Variants in MAST4 observed in about 807,000 individuals in gnomAD.
MAST4 encodes microtubule associated serine/threonine kinase family member 4, also known as microtubule-associated serine/threonine-protein kinase 4.
Under a neutral mutation model 162.7 loss-of-function variants are expected in MAST4, and 89 were observed. The observed-to-expected ratio is 0.55, with a 90% CI of 0.46 to 0.65. MAST4 has a LOEUF of 0.65. Among genes scored for constraint, MAST4 ranks in the 30% least tolerant of loss-of-function variants. The pLI is 0.00. For synonymous variants in MAST4, 1,479 were observed against 1,361.1 expected (o/e 1.09, Z -1.91); for missense variants, 3,153 against 3,374.0 (o/e 0.93, Z 1.62).
chr5:67,128,427 G>A (rs1167706589), intron 14 of MAST4, among the ~76,000 whole-genome samples: 5 of 151,644 alleles, frequency 3.3e-5, no homozygotes, highest in African/African-American at 1.2e-4. Context: ...GTTTTTTACT[G>A]TACAGTGAAG....
At chr5:66,921,644 A>G (rs1764545418) in intron 4 of MAST4, among the ~76,000 whole-genome samples, 1 of 152,280 alleles carries the variant, frequency 6.6e-6, no homozygotes, top group East Asian at 1.9e-4. Flanking sequence ...CTGTAATCCC[A>G]GCTACTCAGG....
intron 26 of MAST4, among the ~76,000 whole-genome samples, chr5:67,156,308 C>T (rs370243450): frequency 5.3e-5 from 8 of 152,146 alleles, no homozygotes; most frequent in South Asian, 2.1e-4. Context: ...TGCACCCAGG[C>T]GATGTAGCTC....
At chr5:67,109,330 T>C (rs1470110538) in intron 10 of MAST4, among the ~76,000 whole-genome samples, 1 of 152,160 alleles carries the variant, frequency 6.6e-6, no homozygotes, top group Non-Finnish European at 1.5e-5. Flanking sequence ...TTCTCATACC[T>C]GACCTCATGT....
chr5:67,147,560 C>T (rs995071121), intron 23 of MAST4, among the ~76,000 whole-genome samples: 5 of 152,130 alleles, frequency 3.3e-5, no homozygotes, highest in Non-Finnish European at 5.9e-5. Flanking sequence ...GAAAAATAAA[C>T]GTCTTGAAGT....
intron 1 of MAST4, among the ~76,000 whole-genome samples, chr5:66,728,138 ACTGTTATTTTCTTC>A (rs1318249180): frequency 1.3e-5 from 2 of 152,172 alleles, no homozygotes; most frequent in African/African-American, 4.8e-5. Context: ...ATAAATGGCT[ACTGTTATTTTCTTC>A]CTGTAACTAA....
At chr5:66,737,227 C>T (rs1752208450) in intron 1 of MAST4, among the ~76,000 whole-genome samples, 1 of 152,158 alleles carries the variant, frequency 6.6e-6, no homozygotes, top group South Asian at 2.1e-4. Context: ...GGATCCACTT[C>T]CAAGACAGTT....
intron 1 of MAST4, among the ~76,000 whole-genome samples, chr5:66,731,721 A>G (rs552679086): frequency 1.3e-5 from 2 of 151,722 alleles, no homozygotes; most frequent in Non-Finnish European, 2.9e-5. Context: ...TGGTTTCTAT[A>G]TTGCAACCCC....
intron 3 of MAST4, among the ~76,000 whole-genome samples, chr5:66,838,612 G>A (rs1758195898): frequency 6.6e-6 from 1 of 152,122 alleles, no homozygotes; most frequent in Non-Finnish European, 1.5e-5. Context: ...AAGATACAGG[G>A]GCCTTGAGCA....
chr5:67,077,658 C>T (rs1761822668), intron 5 of MAST4, among the ~76,000 whole-genome samples: 1 of 152,194 alleles, frequency 6.6e-6, no homozygotes, highest in African/African-American at 2.4e-5. Context: ...GCTTAAATCA[C>T]TGGAAGGAAG....
intron 5 of MAST4, among the ~76,000 whole-genome samples, chr5:67,086,437 T>G (rs763691090): frequency 1.3e-5 from 2 of 152,240 alleles, no homozygotes; most frequent in Non-Finnish European, 2.9e-5. Context: ...TGAGGCACCC[T>G]GTGTAGTGCC....
At position 67,164,964 on chromosome 5, in the gene MAST4, C is replaced by G. The variant is rs747362999; in HGVS notation, c.5785C>G (p.Gln1929Glu). Residue 1929 changes from glutamine to glutamate, a missense_variant, in exon 29 of 29, where the codon CAA becomes GAA. Physicochemically the swap from Gln to Glu is conservative, Grantham distance 29. This residue lies in a region of MAST4 where 1,644 missense variants were observed against 1,495.0 expected (regional missense o/e 1.10). Transcript: ENST00000403625. The surrounding 1 kb of genome is among the most constrained non-coding windows in gnomAD (Gnocchi z 5.3). ...GAGAGAGGGCAGCTCCCCTAAACAC[C>G]AAGACCACACCACTGACCCCAAGCT... ...QQREGSSPKH[Q>E]DHTTDPKLLT... 1.2e-6 allele frequency: 2 copies of G among 1,613,764 alleles called. No homozygotes were observed. The highest frequency in any genetic ancestry group is 2.2e-5 in the East Asian group (1 of 44,862).
At position 66,810,072 on chromosome 5, in the gene MAST4, G is replaced by A. The variant is rs79568226; in HGVS notation, c.642+21278G>A. ...TGTATAAATTGTCTGACCAGTCCCT[G>A]GGGGGTGGACTCTCAACAGTTTTAA... On this transcript the variant is annotated intron_variant, in intron 3 of 28. Coordinates refer to ENST00000403625, the MANE Select transcript of MAST4 (RefSeq NM_001164664.2). 1.9e-3 allele frequency among the ~76,000 whole-genome samples: 284 copies of A among 152,288 alleles called. 5 individuals are homozygous for A. The highest frequency in any genetic ancestry group is 0.017 in the Admixed American group (255 of 15,294).
At chr5:67,031,102 T>G (rs1355508496) in intron 4 of MAST4, among the ~76,000 whole-genome samples, 1 of 152,164 alleles carries the variant, frequency 6.6e-6, no homozygotes, top group Non-Finnish European at 1.5e-5. Context: ...TACTTTCATC[T>G]GTGGATGATC....
At chr5:66,974,022 C>A (rs939456117) in intron 4 of MAST4, among the ~76,000 whole-genome samples, 3 of 152,104 alleles carry the variant, frequency 2.0e-5, no homozygotes, top group Non-Finnish European at 2.9e-5. Flanking sequence ...CTGTCCAGAG[C>A]AGCTAAAGGA....
intron 1 of MAST4, chr5:66,623,046 A>G (rs965489520): frequency 3.3e-5 from 5 of 152,128 alleles, no homozygotes; most frequent in Admixed American, 2.6e-4. Flanking sequence ...CTGAATTCCT[A>G]TGGGACAGGT....
chr5:66,645,647 G>GT (rs1404696196), intron 1 of MAST4, among the ~76,000 whole-genome samples: 2 of 152,076 alleles, frequency 1.3e-5, no homozygotes, highest in Non-Finnish European at 2.9e-5. Flanking sequence ...ATTTTAACAC[G>GT]TTTTTTCCTC....
chr5:66,838,349 G>T (rs921044521), intron 3 of MAST4, among the ~76,000 whole-genome samples: 9 of 151,980 alleles, frequency 5.9e-5, no homozygotes, highest in African/African-American at 2.2e-4. Context: ...TTTTTGATGA[G>T]GCAGTCAAGG....
At chr5:66,713,750 A>G (rs776283650) in intron 1 of MAST4, among the ~76,000 whole-genome samples, 2 of 152,118 alleles carry the variant, frequency 1.3e-5, no homozygotes, top group African/African-American at 2.4e-5. Flanking sequence ...TCTTTCCGCA[A>G]TGGCTGGTGA....
intron 10 of MAST4, among the ~76,000 whole-genome samples, chr5:67,107,726 T>A (rs927658703): frequency 5.9e-5 from 9 of 152,204 alleles, no homozygotes; most frequent in African/African-American, 2.2e-4. Flanking sequence ...CCCCCTAAGG[T>A]TTGAGCAGCT....
Sources: gnomAD v4.1 joint callset for allele counts (sites outside exome capture counted in the v4.1 genomes callset) on GRCh38, gnomAD v4.1.1 for gene constraint, gnomAD v4.1.1 regional missense constraint, Gnocchi (gnomAD v3.1) non-coding constraint, MANE v1.5 for transcripts, NCBI Gene and HGNC (gene_info 2026-07-23, HGNC 2026-07-21) for gene names.